Variants in TTC12 observed in about 807,000 individuals in gnomAD.
TTC12 encodes tetratricopeptide repeat domain 12, also known as tetratricopeptide repeat protein 12.
A neutral mutation model predicts 90.1 loss-of-function variants in TTC12; 70 were observed. That is an observed-to-expected ratio of 0.78 (90% CI 0.64 to 0.95). The LOEUF is 0.95. Among genes scored for constraint, TTC12 ranks in the 40% least tolerant of loss-of-function variants. The pLI is 0.00. For missense variants in TTC12, 819 were observed against 846.1 expected, an observed-to-expected ratio of 0.97 and a Z score of 0.40; for synonymous variants, 296 against 311.5, an observed-to-expected ratio of 0.95 and a Z score of 0.53.
chr11:113,339,241 T>G, intron 9 of TTC12, 45 bp from the exon 10 acceptor site: 1 of 1,523,374 alleles, frequency 6.6e-7, no homozygotes, highest in Non-Finnish European at 8.9e-7. Context: ...TGTGGTATTG[T>G]TGATTGTTAG....
At chr11:113,347,464 G>A (rs1402726176) in intron 13 of TTC12, among the ~76,000 whole-genome samples, 1 of 152,154 alleles carries the variant, frequency 6.6e-6, no homozygotes, top group Non-Finnish European at 1.5e-5. Flanking sequence ...AGTGGAGGAA[G>A]TCTTTCCCCA....
chr11:113,369,405 G>A (rs1403257265), downstream of TTC12, among the ~76,000 whole-genome samples: 1 of 151,394 alleles, frequency 6.6e-6, no homozygotes, highest in African/African-American at 2.4e-5. Flanking sequence ...ACAGATGCGA[G>A]CCACCATGCC....
chr11:113,363,560 C>T (rs1488111974), intron 19 of TTC12, among the ~76,000 whole-genome samples: 2 of 152,194 alleles, frequency 1.3e-5, no homozygotes, highest in Non-Finnish European at 2.9e-5. Flanking sequence ...GCCACTTGCT[C>T]ATAAAGCCTT....
At chr11:113,341,296 A>G (rs1555145939) in intron 11 of TTC12, among the ~76,000 whole-genome samples, 1 of 152,244 alleles carries the variant, frequency 6.6e-6, no homozygotes, top group Non-Finnish European at 1.5e-5. Context: ...AGCTCTTCAA[A>G]GTCAGAGAAA....
chr11:113,344,924 A>G (rs1188840391), intron 13 of TTC12, among the ~76,000 whole-genome samples: 5 of 152,234 alleles, frequency 3.3e-5, no homozygotes, highest in African/African-American at 4.8e-5. Flanking sequence ...GTGTAAGACT[A>G]TGGGCATAGA....
In TTC12 at chr11:113,362,481, G is replaced by A. The variant is rs1030690090; in HGVS notation, c.1695G>A (p.Lys565=). Residue 565 remains lysine, a synonymous_variant, in exon 19 of 22, where the codon AAG becomes AAA. Transcript: ENST00000529221. Reference sequence around the variant, plus strand: ...AGGCCTTGCGAGCAGGAGTGGTAAAGAAAATGATGAAATTCCTGAAGGTAA... The same window carrying A: ...AGGCCTTGCGAGCAGGAGTGGTAAAAAAAATGATGAAATTCCTGAAGGTAA... ...VEEALRAGVV[K]KMMKFLKTGG... 4 of 1,612,104 alleles carry A rather than the reference G, an allele frequency of 2.5e-6. No individual in the cohort carries two copies. In the South Asian group the frequency reaches 4.4e-5, roughly 18 times the overall value.
intron 7 of TTC12, among the ~76,000 whole-genome samples, chr11:113,333,210 G>A (rs797031077): frequency 6.6e-6 from 1 of 152,058 alleles, no homozygotes; most frequent in Middle Eastern, 3.4e-3. Context: ...AGCTCAAGAT[G>A]GGGTCTGCTC....
At position 113,341,738 on chromosome 11, in the gene TTC12, C is replaced by T. The variant is rs1555146102; in HGVS notation, c.897-99C>T. On this transcript the variant is annotated intron_variant, in intron 11 of 21. Transcript: ENST00000529221. The stretch of plus-strand genomic sequence containing the variant: ...ATTATAAAACTATACTTTCTCAAAC[C>T]TGTATTTGGTGAATCTAGGGGTGAA... 4 of 913,174 alleles carry T rather than the reference C, an allele frequency of 4.4e-6. No homozygotes were observed. The East Asian group carries it at 7.3e-5, about 17-fold the overall frequency. The allele number at this position is 913,174 out of a possible 1,614,324, so 56.6% of individuals were successfully genotyped here.
In TTC12 at chr11:113,351,064, A is replaced by G. The variant is rs2288160; in HGVS notation, c.1248-175A>G. Among the ~76,000 whole-genome samples, 71 of 152,402 alleles carry G rather than the reference A, an allele frequency of 4.7e-4. No individual in the cohort carries two copies. In the East Asian group the frequency reaches 0.013, roughly 27 times the overall value. ...GCAATTCTCCAGACTCAGAAAAATT[A>G]GAGCCACATTACATACACAGTGACA... is the stretch of plus-strand genomic sequence containing the variant. On this transcript the variant is annotated intron_variant, in intron 14 of 21. Coordinates refer to ENST00000529221, the MANE Select transcript of TTC12 (RefSeq NM_017868.4).
intron 8 of TTC12, among the ~76,000 whole-genome samples, chr11:113,336,238 T>C (rs1315038270): frequency 2.0e-5 from 3 of 152,176 alleles, no homozygotes; most frequent in African/African-American, 4.8e-5. Context: ...ATATCTTCTT[T>C]TATAATGAGG....
At chr11:113,322,312 G>T (rs561711932) in intron 2 of TTC12, among the ~76,000 whole-genome samples, 2 of 152,050 alleles carry the variant, frequency 1.3e-5, no homozygotes, top group African/African-American at 4.8e-5. Flanking sequence ...AAAATATTGC[G>T]CAATAGGATT....
At chr11:113,348,619 C>T (rs1555148949) in intron 13 of TTC12, among the ~76,000 whole-genome samples, 1 of 152,220 alleles carries the variant, frequency 6.6e-6, no homozygotes, top group Non-Finnish European at 1.5e-5. Flanking sequence ...CTACTTAACA[C>T]ACTGAAATGA....
chr11:113,371,827 G>A (rs1254782190), intron 21 of TTC12, among the ~76,000 whole-genome samples: 1 of 152,140 alleles, frequency 6.6e-6, no homozygotes. Context: ...TCTGTAAAAG[G>A]CAATAGGGGA....
chr11:113,316,434 G>A, intron 2 of TTC12, 119 bp downstream of exon 2: 1 of 454,876 alleles, frequency 2.2e-6, no homozygotes, highest in Non-Finnish European at 3.9e-6. Flanking sequence ...AAATGTAATT[G>A]AAATTAAAGA....
chr11:113,325,392 C>G, intron 5 of TTC12, 132 bp from the exon 6 acceptor site: 1 of 1,022,526 alleles, frequency 9.8e-7, no homozygotes, highest in Non-Finnish European at 1.4e-6. Context: ...CAGAAAAAAA[C>G]AAGTGTCAAG....
rs1241600720 is a variant in TTC12, at chr11:113,364,849, A to G, written c.1831A>G (p.Met611Val). ...TTTCCCTGCAGAGTTGAGCGTTATG[A>G]TGAAGCTGCTCAGCTCGGAGGATGA... is the stretch of plus-strand genomic sequence containing the variant. The part of the protein sequence containing the change: ...IRLDKKLSVM[M>V]KLLSSEDEVL... Residue 611 changes from methionine to valine, a missense_variant, in exon 21 of 22, where the codon ATG becomes GTG. Transcript: ENST00000529221. 1.2e-6 allele frequency: 2 copies of G among 1,614,112 alleles called. No homozygotes were observed. Among genetic ancestry groups the G allele is most frequent in the Non-Finnish European group, 1.7e-6 (2 of 1,179,996 alleles).
At chr11:113,361,030 T>C (rs1949896946) in intron 18 of TTC12, among the ~76,000 whole-genome samples, 1 of 152,196 alleles carries the variant, frequency 6.6e-6, no homozygotes, top group African/African-American at 2.4e-5. Context: ...AGGAGAGCTC[T>C]TGGGCCAGAT....
chr11:113,372,118 C>T (rs1591243692), intron 21 of TTC12, among the ~76,000 whole-genome samples: 1 of 152,184 alleles, frequency 6.6e-6, no homozygotes, highest in South Asian at 2.1e-4. Context: ...AAATGGCAGG[C>T]TGAGCTGGCA....
At chr11:113,324,095 A>G (rs1039883410) in intron 4 of TTC12, 80 bp downstream of exon 4, 1 of 1,162,646 alleles carries the variant, frequency 8.6e-7, no homozygotes, top group Non-Finnish European at 1.3e-6. Flanking sequence ...CAGACCCTTA[A>G]ATTATTGCCT....
Sources: allele counts gnomAD v4.1 joint callset (sites outside exome capture counted in the v4.1 genomes callset), GRCh38; gene constraint gnomAD v4.1.1; transcripts MANE v1.5; gene names NCBI Gene and HGNC (gene_info 2026-07-23, HGNC 2026-07-21).